Variants in PCDHGA9 observed in about 807,000 individuals in gnomAD.
PCDHGA9 encodes protocadherin gamma-A9.
A neutral mutation model predicts 62.5 loss-of-function variants in PCDHGA9; 37 were observed. The observed-to-expected ratio is 0.59, with a 90% CI of 0.46 to 0.78. PCDHGA9 has a LOEUF of 0.78. PCDHGA9 is among the 30% of genes least tolerant of loss of function. The pLI is 0.00. For synonymous variants in PCDHGA9, 459 were observed against 484.6 expected (o/e 0.95, Z 0.69); for missense variants, 1,138 against 1,166.2 (o/e 0.98, Z 0.35).
intron 1 of PCDHGA9, chr5:141,430,515 G>A (rs1016446331): frequency 2.1e-5 from 7 of 340,180 alleles, no homozygotes; most frequent in Admixed American, 1.8e-4. Flanking sequence ...TCAAGATTGT[G>A]CAGTAATTGG....
At position 141,403,762 on chromosome 5, in the gene PCDHGA9, T is replaced by A. The variant is rs1217388200; in HGVS notation, c.810T>A (p.Asp270Glu). Residue 270 changes from aspartate (D) to glutamate (E), a missense_variant, in exon 1 of 4, where the codon GAT becomes GAA. Asp to Glu is a conservative substitution (Grantham distance 45). Coordinates refer to ENST00000573521, the MANE Select transcript of PCDHGA9 (RefSeq NM_018921.3). The part of the protein sequence containing the change: ...WLLTATASDL[D>E]EGINGKVAYK... ...TTACTGCAACAGCCAGCGACCTGGA[T>A]GAGGGAATCAACGGAAAAGTGGCAT... The A allele has an allele frequency of 6.2e-7, 1 of 1,613,736 alleles. No homozygotes were observed. The highest frequency in any genetic ancestry group is 8.5e-7 in the Non-Finnish European group (1 of 1,179,890).
chr5:141,485,632 G>T lies in PCDHGA9; in HGVS notation c.2425-9175G>T. The T allele has an allele frequency of 6.2e-7, 1 of 1,611,766 alleles. No homozygotes were observed. Among genetic ancestry groups the T allele is most frequent in the Non-Finnish European group, 8.5e-7 (1 of 1,178,342 alleles). The stretch of plus-strand genomic sequence containing the variant: ...CAGCTCCTCCAGGACAGCGTTTCCC[G>T]TTGGAAAAGGCTCAGGATGCAGATG... On this transcript the variant is annotated intron_variant, in intron 1 of 3. Coordinates refer to ENST00000573521, the MANE Select transcript of PCDHGA9 (RefSeq NM_018921.3). This position sits in a 1 kb window ranked among gnomAD's most constrained non-coding sequence, Gnocchi z 5.7.
chr5:141,414,793 G>A lies in PCDHGA9; in HGVS notation c.2424+9417G>A, dbSNP rs756653393. On this transcript the variant is annotated intron_variant, in intron 1 of 3. Transcript: ENST00000573521. ...GCTACAGATGCAGGTGACAGCCAGCGACAGCGGGGATCCTCCACTCAGCAG... is the reference window on the plus strand; with the variant it reads ...GCTACAGATGCAGGTGACAGCCAGCAACAGCGGGGATCCTCCACTCAGCAG... 2.5e-6 allele frequency: 4 copies of A among 1,614,100 alleles called. No individual in the cohort carries two copies. The African/African-American group carries it at 4.0e-5, about 16-fold the overall frequency.
intron 1 of PCDHGA9, among the ~76,000 whole-genome samples, chr5:141,465,300 G>A (rs904996219): frequency 1.3e-5 from 2 of 152,112 alleles, no homozygotes; most frequent in Non-Finnish European, 2.9e-5. Flanking sequence ...TGAGAGTCCT[G>A]GGAATTTAGC....
chr5:141,410,222 G>A, intron 1 of PCDHGA9: 2 of 1,614,018 alleles, frequency 1.2e-6, no homozygotes, highest in South Asian at 2.2e-5. Flanking sequence ...GATACTGCCA[G>A]ACCTCAGCGA....
In PCDHGA9 at chr5:141,511,251, A is replaced by T. The variant is rs780892899; in HGVS notation, c.*78A>T. 2.0e-5 allele frequency: 32 copies of T among 1,571,672 alleles called. No homozygotes were observed. Among genetic ancestry groups the T allele is most frequent in the Non-Finnish European group, 2.6e-5 (30 of 1,158,828 alleles). ...TTCTCCTTACCTGCACCCAGGCCTC[A>T]GAGTTTCAGGGCTAACCCCCAGAAT... On this transcript the variant is annotated 3_prime_UTR_variant, in exon 4 of 4. Transcript: ENST00000573521.
rs2099394923 is a variant in PCDHGA9 at position 141,476,611 on chromosome 5, A to G, written c.2425-18196A>G. On this transcript the variant is annotated intron_variant, in intron 1 of 3. Coordinates refer to ENST00000573521, the MANE Select transcript of PCDHGA9 (RefSeq NM_018921.3). The surrounding 1 kb of genome is among the most constrained non-coding windows in gnomAD (Gnocchi z 7.6). ...AGAGCGCGCACGATCCCGATGTGGG[A>G]AGCAACTCTTTACAAACCTATGAGC... 6.2e-7 allele frequency: 1 copy of G among 1,614,092 alleles called. No individual in the cohort carries two copies. Among genetic ancestry groups the G allele is most frequent in the Non-Finnish European group, 8.5e-7 (1 of 1,180,042 alleles).
chr5:141,476,966 G>A lies in PCDHGA9; in HGVS notation c.2425-17841G>A. ...CAACGGTGAAATTATTTACTCCTTC[G>A]GCAGCCACAACCGCGCCGGCGTGCG... On this transcript the variant is annotated intron_variant, in intron 1 of 3. Transcript: ENST00000573521. This position sits in a 1 kb window ranked among gnomAD's most constrained non-coding sequence, Gnocchi z 7.6. 1 of 1,614,152 alleles carries A rather than the reference G, an allele frequency of 6.2e-7. No individual in the cohort carries two copies. The highest frequency in any genetic ancestry group is 8.5e-7 in the Non-Finnish European group (1 of 1,180,032).
At chr5:141,421,613 A>G in intron 1 of PCDHGA9, 2 of 1,613,838 alleles carry the variant, frequency 1.2e-6, no homozygotes, top group South Asian at 2.2e-5. Flanking sequence ...GATATTAATG[A>G]TAACGCCCCC....
At chr5:141,456,593 G>C (rs917316601) in intron 1 of PCDHGA9, among the ~76,000 whole-genome samples, 2 of 152,168 alleles carry the variant, frequency 1.3e-5, no homozygotes, top group African/African-American at 4.8e-5. Flanking sequence ...CAATAATTTT[G>C]ATTTGATTTT....
chr5:141,444,152 ATTTTTTTTTTTTTTTTTTTTTTTTT>A (rs747671382), intron 1 of PCDHGA9, among the ~76,000 whole-genome samples: 1 of 33,882 alleles, frequency 3.0e-5, no homozygotes, highest in Non-Finnish European at 5.2e-5. Context: ...TGTGTACTGG[ATTTTTTTTTTTTTTTTTTTTTTTTT>A]TTTTTTTTTT....
chr5:141,418,969 A>C, intron 1 of PCDHGA9: 1 of 1,614,028 alleles, frequency 6.2e-7, no homozygotes, highest in Non-Finnish European at 8.5e-7. Flanking sequence ...CCCTCTTCAA[A>C]ACACGGGACC....
chr5:141,433,328 G>A (rs965877578), intron 1 of PCDHGA9: 3 of 724,464 alleles, frequency 4.1e-6, no homozygotes, highest in African/African-American at 3.6e-5. Context: ...GGTGTAACAG[G>A]GACTACAGGT....
At chr5:141,423,049 C>T (rs1418805817) in intron 1 of PCDHGA9, 3 of 1,614,094 alleles carry the variant, frequency 1.9e-6, no homozygotes, top group East Asian at 2.2e-5. Flanking sequence ...GCTGTCCTAT[C>T]GCCTGCTTAA....
chr5:141,420,030 G>A (rs1269646706), intron 1 of PCDHGA9: 1 of 1,613,940 alleles, frequency 6.2e-7, no homozygotes, highest in Non-Finnish European at 8.5e-7. Flanking sequence ...CCTACTGCAG[G>A]AGACTGCTTT....
intron 2 of PCDHGA9, among the ~76,000 whole-genome samples, chr5:141,501,983 C>G (rs957901405): frequency 6.6e-6 from 1 of 152,068 alleles, no homozygotes; most frequent in Non-Finnish European, 1.5e-5. Flanking sequence ...CATCTGGTCC[C>G]GTTGTCTCCC....
At chr5:141,420,025 T>A in intron 1 of PCDHGA9, 1 of 1,614,096 alleles carries the variant, frequency 6.2e-7, no homozygotes, top group Non-Finnish European at 8.5e-7. Context: ...TCAGCCCTAC[T>A]GCAGGAGACT....
At position 141,493,906 on chromosome 5, in the gene PCDHGA9, G is replaced by A. The variant is rs2099750764; in HGVS notation, c.2425-901G>A. ...CTCTAGGAGTGCTCCATGAGAGTGT[G>A]TGATGGGATAACACACCCCCTGGAA... is the stretch of plus-strand genomic sequence containing the variant. On this transcript the variant is annotated intron_variant, in intron 1 of 3. Transcript: ENST00000573521. The surrounding 1 kb of genome is among the most constrained non-coding windows in gnomAD (Gnocchi z 4.3). Among the ~76,000 whole-genome samples the A allele has an allele frequency of 6.6e-6, 1 of 152,200 alleles. No individual in the cohort carries two copies. Among genetic ancestry groups the A allele is most frequent in the Non-Finnish European group, 1.5e-5 (1 of 68,032 alleles).
intron 1 of PCDHGA9, among the ~76,000 whole-genome samples, chr5:141,407,809 T>C (rs2094984510): frequency 6.6e-6 from 1 of 152,228 alleles, no homozygotes; most frequent in South Asian, 2.1e-4. Flanking sequence ...TAGAAATATC[T>C]ACTATAATAT....
Sources: gnomAD v4.1 joint callset for allele counts (sites outside exome capture counted in the v4.1 genomes callset) on GRCh38, gnomAD v4.1.1 for gene constraint, Gnocchi (gnomAD v3.1) non-coding constraint, MANE v1.5 for transcripts, NCBI Gene and HGNC (gene_info 2026-07-23, HGNC 2026-07-21) for gene names.